Variants in SLC9A3 observed in about 807,000 individuals in gnomAD.
SLC9A3 encodes the protein solute carrier family 9 member A3.
A neutral mutation model predicts 86.8 loss-of-function variants in SLC9A3; 37 were observed. That is an observed-to-expected ratio of 0.43 (90% CI 0.33 to 0.56). The LOEUF is 0.56. Among genes scored for constraint, SLC9A3 ranks in the 20% least tolerant of loss-of-function variants. SLC9A3 has a pLI of 0.06. For missense variants in SLC9A3, 1,011 were observed against 1,171.9 expected (o/e 0.86, Z 2.00); for synonymous variants, 581 against 528.3 (o/e 1.10, Z -1.37).
Position 497,708 on chromosome 5 carries a change from C to T in SLC9A3, c.212-5637G>A, listed in dbSNP as rs1740084332. On this transcript the variant is annotated intron_variant, in intron 1 of 16. Coordinates refer to ENST00000264938, the MANE Select transcript of SLC9A3 (RefSeq NM_004174.4). The surrounding 1 kb of genome is among the most constrained non-coding windows in gnomAD (Gnocchi z 5.4). ...CCCTGGGAGTGAAGCCTCATCTGCC[C>T]CTGTCCTGGGTGGGGTCGCCCGGCC... is the stretch of plus-strand genomic sequence containing the variant. Among the ~76,000 whole-genome samples, 1 of 110,888 alleles carries T rather than the reference C, an allele frequency of 9.0e-6. No individual in the cohort carries two copies. The highest frequency in any genetic ancestry group is 9.5e-5 in the Admixed American group (1 of 10,572). 72.7% of individuals were successfully genotyped at this position (110,888 alleles called of 152,430 possible).
intron 1 of SLC9A3, among the ~76,000 whole-genome samples, chr5:522,731 T>C (rs1448416464): frequency 6.8e-6 from 1 of 146,388 alleles, no homozygotes; most frequent in East Asian, 2.0e-4. Context: ...AAGAGCAAAA[T>C]TCTATCTCAA....
At chr5:480,205 G>T in intron 9 of SLC9A3, 1 of 471,484 alleles carries the variant, frequency 2.1e-6, no homozygotes, top group South Asian at 2.2e-5. Flanking sequence ...CCAGAGGGTG[G>T]CTCAGGACAC....
intron 1 of SLC9A3, among the ~76,000 whole-genome samples, chr5:495,003 A>G (rs72702716): frequency 0.18 from 27,225 of 152,054 alleles, 3,171 homozygotes; most frequent in Non-Finnish European, 0.26. Context: ...TGGAGCAGCC[A>G]GCGGGGCACG....
chr5:473,409 G>C, intron 16 of SLC9A3, 27 bp from the exon 17 acceptor site: 10 of 1,389,106 alleles, frequency 7.2e-6, no homozygotes, highest in Non-Finnish European at 9.4e-6. Context: ...CGTGAGCGGC[G>C]CGCGGAGCCC....
chr5:490,021 C>T lies in SLC9A3; in HGVS notation c.515-1545G>A, dbSNP rs770241656. Among the ~76,000 whole-genome samples the T allele has an allele frequency of 7.2e-5, 11 of 152,352 alleles. 1 individual carries two copies. Among genetic ancestry groups the T allele is most frequent in the East Asian group, 5.8e-4 (3 of 5,186 alleles). On this transcript the variant is annotated intron_variant, in intron 2 of 16. Transcript: ENST00000264938. ...CATGTCGACCCTTTCCCATGGGGCA[C>T]GTTTGGCCTTGAGACGCTCCACAGG...
At chr5:511,634 TA>T (rs1306942136) in intron 1 of SLC9A3, among the ~76,000 whole-genome samples, 13 of 152,224 alleles carry the variant, frequency 8.5e-5, no homozygotes, top group African/African-American at 3.1e-4. Context: ...AGGACACGGA[TA>T]GCACCGAAGG....
chr5:481,743 A>G (rs1258214794), intron 8 of SLC9A3, 108 bp from the exon 9 acceptor site: 17 of 614,910 alleles, frequency 2.8e-5, no homozygotes, highest in Middle Eastern at 4.0e-4. Context: ...CCCCCTCACC[A>G]CGCCCCTGGC....
At position 477,232 on chromosome 5, in the gene SLC9A3, T is replaced by C. The variant is rs1389433336; in HGVS notation, c.1760+100A>G. ...CTTTCTGCACCTCTCCCCTCTTCCATGCCACCCCCAGGCCAGGAGCCACCA... is the reference window on the plus strand; with the variant it reads ...CTTTCTGCACCTCTCCCCTCTTCCACGCCACCCCCAGGCCAGGAGCCACCA... On this transcript the variant is annotated intron_variant, in intron 11 of 16. Transcript: ENST00000264938. The C allele has an allele frequency of 5.1e-6, 4 of 785,430 alleles. No homozygotes were observed. The African/African-American group carries it at 5.2e-5, about 10-fold the overall frequency. The allele number at this position is 785,430 out of a possible 1,614,324, so 48.7% of individuals were successfully genotyped here.
intron 2 of SLC9A3, among the ~76,000 whole-genome samples, chr5:489,254 C>A (rs1231223014): frequency 6.6e-6 from 1 of 152,122 alleles, no homozygotes; most frequent in Non-Finnish European, 1.5e-5. Context: ...TCCTTGCTGC[C>A]TTCCCGGCCG....
intron 16 of SLC9A3, among the ~76,000 whole-genome samples, chr5:474,232 C>G (rs1452258754): frequency 4.9e-5 from 2 of 40,564 alleles, no homozygotes; most frequent in African/African-American, 1.5e-4. Context: ...AGGAGAGAGA[C>G]AGCGCGCGCG....
At chr5:486,670 G>A (rs1192110215) in intron 3 of SLC9A3, among the ~76,000 whole-genome samples, 1 of 152,212 alleles carries the variant, frequency 6.6e-6, no homozygotes, top group African/African-American at 2.4e-5. Context: ...ACCTGGGCAT[G>A]TGAGCGTGAA....
chr5:476,033 G>A lies in SLC9A3; in HGVS notation c.2127C>T (p.Thr709=). The change falls in exon 14 of 17, where the codon ACC becomes ACT. Residue 709 remains threonine (T), a synonymous_variant. Transcript: ENST00000264938. The part of the protein sequence containing the change: ...LPMESPAQNF[T]IKEKDLELSD... ...CCCCCAGCGCACCTTTCTCCTTGAT[G>A]GTGAAATTCTGCGCAGGGCTCTCCA... 3 of 1,612,520 alleles carry A rather than the reference G, an allele frequency of 1.9e-6. No individual in the cohort carries two copies. The highest frequency in any genetic ancestry group is 2.5e-6 in the Non-Finnish European group (3 of 1,179,498).
intron 1 of SLC9A3, among the ~76,000 whole-genome samples, chr5:522,752 A>G (rs568261289): frequency 1.1e-4 from 16 of 152,030 alleles, no homozygotes; most frequent in Non-Finnish European, 1.3e-4. Context: ...AAAAAAAAAA[A>G]AAAGAAAAAA....
chr5:504,667 C>A (rs1306175522), intron 1 of SLC9A3, among the ~76,000 whole-genome samples: 1 of 152,202 alleles, frequency 6.6e-6, no homozygotes, highest in African/African-American at 2.4e-5. Flanking sequence ...GCAGTGCCTC[C>A]CTCTGGGGCC....
chr5:482,969 T>G (rs1162845231), intron 6 of SLC9A3, among the ~76,000 whole-genome samples: 1 of 150,758 alleles, frequency 6.6e-6, no homozygotes, highest in Non-Finnish European at 1.5e-5. Flanking sequence ...CACACACGGG[T>G]GCTGGGGGAT....
At chr5:481,210 TACTA>T (rs1209117386) in intron 9 of SLC9A3, among the ~76,000 whole-genome samples, 3 of 152,278 alleles carry the variant, frequency 2.0e-5, no homozygotes, top group Admixed American at 1.3e-4. Context: ...TGTTGACTGA[TACTA>T]ACCCTGTTTA....
chr5:477,739 G>A (rs372579337), intron 10 of SLC9A3: 29 of 347,538 alleles, frequency 8.3e-5, no homozygotes, highest in African/African-American at 6.0e-4. Context: ...AGCTGCCTGG[G>A]ACTTGGGATG....
intron 10 of SLC9A3, 144 bp downstream of exon 10, chr5:479,692 G>T: frequency 1.4e-6 from 1 of 720,070 alleles, no homozygotes. Flanking sequence ...GCATCAGAAG[G>T]CCCATCAGCC....
chr5:521,635 G>A (rs1450468800), intron 1 of SLC9A3, among the ~76,000 whole-genome samples: 1 of 151,650 alleles, frequency 6.6e-6, no homozygotes, highest in African/African-American at 2.4e-5. Context: ...AACAAAATGT[G>A]CCAAGCAGCT....
Sources: gnomAD v4.1 joint callset for allele counts (sites outside exome capture counted in the v4.1 genomes callset) on GRCh38, gnomAD v4.1.1 for gene constraint, Gnocchi (gnomAD v3.1) non-coding constraint, MANE v1.5 for transcripts, NCBI Gene and HGNC (gene_info 2026-07-23, HGNC 2026-07-21) for gene names.